EFCC1: variants seen among roughly 807,000 people sequenced by gnomAD.
The protein encoded by EFCC1 is EF-hand and coiled-coil domain containing 1, also known as EF-hand and coiled-coil domain-containing protein 1.
In EFCC1, 50 loss-of-function variants were observed where a neutral mutation model predicts 52.1. The observed-to-expected ratio is 0.96, with a 90% CI of 0.76 to 1.21. The LOEUF is 1.21. Among genes scored for constraint, EFCC1 ranks in the 50% most tolerant of loss-of-function variants. The pLI, the probability that EFCC1 is intolerant of heterozygous loss-of-function variation, is 0.00. For missense variants in EFCC1, 837 were observed against 867.3 expected, an observed-to-expected ratio of 0.97 and a Z score of 0.44; for synonymous variants, 399 against 396.5, an observed-to-expected ratio of 1.01 and a Z score of -0.08.
chr3:129,005,371 A>G (rs1945025963), intron 2 of EFCC1, among the ~76,000 whole-genome samples: 1 of 152,274 alleles, frequency 6.6e-6, no homozygotes, highest in South Asian at 2.1e-4. Context: ...GCCCTAGGGC[A>G]GAAGGGACCA....
At chr3:129,003,066 T>C (rs1269896035) in intron 1 of EFCC1, among the ~76,000 whole-genome samples, 1 of 152,114 alleles carries the variant, frequency 6.6e-6, no homozygotes, top group Non-Finnish European at 1.5e-5. Context: ...GAACAGCCCC[T>C]ACCCCAGGCG....
At chr3:129,015,047 A>G (rs1332892814) in intron 2 of EFCC1, among the ~76,000 whole-genome samples, 1 of 152,078 alleles carries the variant, frequency 6.6e-6, no homozygotes, top group African/African-American at 2.4e-5. Context: ...CATCAGAACC[A>G]CGGACCACAC....
intron 2 of EFCC1, among the ~76,000 whole-genome samples, chr3:129,030,109 C>A (rs1320546682): frequency 6.6e-6 from 1 of 151,950 alleles, no homozygotes; most frequent in Admixed American, 6.6e-5. Context: ...TCGCTTGAGC[C>A]CGGGAGGTTT....
intron 2 of EFCC1, among the ~76,000 whole-genome samples, chr3:129,013,931 A>G (rs1416446729): frequency 6.6e-6 from 1 of 152,172 alleles, no homozygotes; most frequent in Non-Finnish European, 1.5e-5. Context: ...GTGACTAGGC[A>G]GGGGCAGGAG....
chr3:129,039,645 G>T, intron 7 of EFCC1, 67 bp from the exon 8 acceptor site: 1 of 1,512,048 alleles, frequency 6.6e-7, no homozygotes, highest in Non-Finnish European at 8.9e-7. Flanking sequence ...AGGAAGGAGG[G>T]ACAGTGGCTC....
chr3:129,017,375 A>C (rs1034788116), intron 2 of EFCC1, among the ~76,000 whole-genome samples: 2 of 152,212 alleles, frequency 1.3e-5, no homozygotes, highest in African/African-American at 4.8e-5. Flanking sequence ...ACTTGAAACA[A>C]CACCCACCTG....
intron 2 of EFCC1, among the ~76,000 whole-genome samples, chr3:129,012,085 A>G (rs555965339): frequency 6.6e-6 from 1 of 152,326 alleles, no homozygotes; most frequent in South Asian, 2.1e-4. Flanking sequence ...GGTGGCCTGA[A>G]GTGCCAGACC....
At position 129,001,799 on chromosome 3, in the gene EFCC1, G is replaced by C; in HGVS notation, c.171G>C (p.Gln57His). 6.5e-7 allele frequency: 1 copy of C among 1,545,056 alleles called. No individual in the cohort carries two copies. The highest frequency in any genetic ancestry group is 8.7e-7 in the Non-Finnish European group (1 of 1,145,820). ...TGGTGCTGGCCACCGGCCTGGACCA[G>C]TACCTGCAGGAGGTCTTCCACCACC... ...EIVVLATGLD[Q>H]YLQEVFHHLD... Residue 57 changes from glutamine (Q) to histidine (H), a missense_variant, in exon 1 of 8, where the codon CAG (glutamine) becomes CAC (histidine). Physicochemically the swap from Gln to His is conservative, Grantham distance 24 (BLOSUM62 0). Coordinates refer to ENST00000683648, the MANE Select transcript of EFCC1 (RefSeq NM_001377500.1).
rs1415793750 is a variant in EFCC1, at chr3:129,039,955, C to A, written c.*107C>A. 1.4e-6 allele frequency: 2 copies of A among 1,409,508 alleles called. No individual in the cohort carries two copies. Among genetic ancestry groups the A allele is most frequent in the East Asian group, 5.3e-5 (2 of 37,946 alleles). 87.3% of individuals were successfully genotyped at this position (1,409,508 alleles called of 1,614,324 possible). A position where few individuals can be genotyped will look rare whatever the true frequency, so the allele number is the denominator to read the frequency against. ...GCTGGTCTGACCACCGTCACATCATCAGAACTTGAGTCTCTGCTGGCTCCT... is the reference window on the plus strand; with the variant it reads ...GCTGGTCTGACCACCGTCACATCATAAGAACTTGAGTCTCTGCTGGCTCCT... On this transcript the variant is annotated 3_prime_UTR_variant, in exon 8 of 8. Transcript: ENST00000683648.
intron 2 of EFCC1, among the ~76,000 whole-genome samples, chr3:129,005,329 C>G (rs1465412818): frequency 6.6e-6 from 1 of 152,192 alleles, no homozygotes; most frequent in Admixed American, 6.5e-5. Context: ...AGAGAACATT[C>G]CATTCTAGAA....
In EFCC1 at chr3:129,014,905, C is replaced by G. The variant is rs1050691641; in HGVS notation, c.980+10828C>G. Among the ~76,000 whole-genome samples, 3 of 152,110 alleles carry G rather than the reference C, an allele frequency of 2.0e-5. No homozygotes were observed. Among genetic ancestry groups the G allele is most frequent in the African/African-American group, 4.8e-5 (2 of 41,398 alleles). On this transcript the variant is annotated intron_variant, in intron 2 of 7. Coordinates refer to ENST00000683648, the MANE Select transcript of EFCC1 (RefSeq NM_001377500.1). The surrounding 1 kb of genome is among the most constrained non-coding windows in gnomAD (Gnocchi z 4.3). The stretch of plus-strand genomic sequence containing the variant: ...GAAGAGCCCTCCTCACCTGTACACA[C>G]GGAGTCCTGCTAAGTCTCAGCTCCA...
At position 129,001,699 on chromosome 3, in the gene EFCC1, C is replaced by T. The variant is rs991820304; in HGVS notation, c.71C>T (p.Ala24Val). Reference protein sequence around the residue: ...GAGGDPYRRPARRTQWLLSAL... With the variant: ...GAGGDPYRRPVRRTQWLLSAL... ...GGAGGTGACCCGTACCGGCGACCTG[C>T]GCGGCGCACGCAGTGGCTGCTGAGC... The change falls in exon 1 of 8, where the codon GCG becomes GTG. Residue 24 changes from alanine (A) to valine (V), a missense_variant. Coordinates refer to ENST00000683648, the MANE Select transcript of EFCC1 (RefSeq NM_001377500.1). The T allele has an allele frequency of 3.3e-6, 5 of 1,498,198 alleles. No individual in the cohort carries two copies. In the East Asian group the frequency reaches 1.4e-4, roughly 41 times the overall value. 92.8% of individuals were successfully genotyped at this position (1,498,198 alleles called of 1,614,324 possible). A position where few individuals can be genotyped will look rare whatever the true frequency, so the allele number is the denominator to read the frequency against.
chr3:129,011,560 A>T (rs1444132375), intron 2 of EFCC1, among the ~76,000 whole-genome samples: 1 of 152,130 alleles, frequency 6.6e-6, no homozygotes, highest in Admixed American at 6.5e-5. Flanking sequence ...CAAAAAAAAA[A>T]AAAAAAGAAT....
chr3:129,031,199 G>A (rs1187099294), intron 3 of EFCC1, among the ~76,000 whole-genome samples: 1 of 152,238 alleles, frequency 6.6e-6, no homozygotes, highest in Non-Finnish European at 1.5e-5. Flanking sequence ...AGAGGCTGAG[G>A]CGGGTAGACT....
At position 129,001,696 on chromosome 3, in the gene EFCC1, C is replaced by T. The variant is rs1175269081; in HGVS notation, c.68C>T (p.Pro23Leu). 25 of 1,495,470 alleles carry T rather than the reference C, an allele frequency of 1.7e-5. No individual in the cohort carries two copies. Among genetic ancestry groups the T allele is most frequent in the Non-Finnish European group, 2.0e-5 (23 of 1,125,040 alleles). 92.6% of individuals were successfully genotyped at this position (1,495,470 alleles called of 1,614,324 possible). The change falls in exon 1 of 8, where the codon CCT becomes CTT. Residue 23 changes from proline (P) to leucine (L), a missense_variant. By Grantham distance (98) the Pro-to-Leu change is moderately conservative. Transcript: ENST00000683648. ...GCGGGAGGTGACCCGTACCGGCGAC[C>T]TGCGCGGCGCACGCAGTGGCTGCTG... is the stretch of plus-strand genomic sequence containing the variant. The part of the protein sequence containing the change: ...EGAGGDPYRR[P>L]ARRTQWLLSA...
chr3:129,024,027 C>T (rs1470846745), intron 2 of EFCC1, among the ~76,000 whole-genome samples: 2 of 152,222 alleles, frequency 1.3e-5, no homozygotes, highest in Non-Finnish European at 2.9e-5. Context: ...TTTCCTTGCA[C>T]TTCCACCCCT....
At chr3:129,012,849 G>A (rs1233982772) in intron 2 of EFCC1, among the ~76,000 whole-genome samples, 7 of 152,230 alleles carry the variant, frequency 4.6e-5, no homozygotes, top group African/African-American at 1.4e-4. Flanking sequence ...CTCAGCACCA[G>A]GCACAGAGAA....
chr3:129,038,061 CT>C (rs1312765983), intron 6 of EFCC1, among the ~76,000 whole-genome samples: 1 of 98,162 alleles, frequency 1.0e-5, no homozygotes, highest in African/African-American at 6.3e-5. Context: ...AAGACCTTAT[CT>C]CAAAAAAAAA....
At chr3:129,038,667 T>TGGCCAGCCTAGGGGTAGGG in intron 6 of EFCC1, among the ~76,000 whole-genome samples, 164 bp from the exon 7 acceptor site, 1 of 151,978 alleles carries the variant, frequency 6.6e-6, no homozygotes, top group Non-Finnish European at 1.5e-5. Context: ...AAGTGCAGTG[T>TGGCCAGCCTAGGGGTAGGG]GGCCAGCCTA....
Sources: allele counts gnomAD v4.1 joint callset (sites outside exome capture counted in the v4.1 genomes callset), GRCh38; gene constraint gnomAD v4.1.1; non-coding constraint Gnocchi (gnomAD v3.1); transcripts MANE v1.5; gene names NCBI Gene and HGNC (gene_info 2026-07-23, HGNC 2026-07-21).